Variants in KIFC3 observed in about 807,000 individuals in gnomAD.
KIFC3 encodes kinesin-like protein KIFC3.
KIFC3 carries 60 observed loss-of-function variants against 101.8 expected under a neutral mutation model. That is an observed-to-expected ratio of 0.59 (90% CI 0.48 to 0.73). The LOEUF is 0.73. Among genes scored for constraint, KIFC3 ranks in the 30% least tolerant of loss-of-function variants. The pLI is 0.00. For missense variants in KIFC3, 966 were observed against 1,137.1 expected (o/e 0.85, Z 2.16); for synonymous variants, 476 against 482.7 (o/e 0.99, Z 0.18).
intron 3 of KIFC3, among the ~76,000 whole-genome samples, chr16:57,790,185 T>G (rs1598104031): frequency 6.8e-6 from 1 of 147,212 alleles, no homozygotes; most frequent in East Asian, 2.1e-4. Flanking sequence ...GCTCAAGCAA[T>G]CCCCCTGCCT....
At chr16:57,798,416 C>A in intron 1 of KIFC3, 134 bp from the exon 2 acceptor site, 1 of 784,306 alleles carries the variant, frequency 1.3e-6, no homozygotes, top group Non-Finnish European at 2.1e-6. Context: ...TCCAACTGCA[C>A]TGTCCCCCAA....
At chr16:57,811,641 C>T (rs889677502) in intron 1 of KIFC3, among the ~76,000 whole-genome samples, 5 of 152,034 alleles carry the variant, frequency 3.3e-5, no homozygotes, top group South Asian at 2.1e-4. Context: ...TGGGGCCAAG[C>T]GGAGTGGCTC....
At chr16:57,764,992 G>A (rs1474768455) in intron 11 of KIFC3, among the ~76,000 whole-genome samples, 2 of 151,742 alleles carry the variant, frequency 1.3e-5, no homozygotes, top group African/African-American at 4.8e-5. Flanking sequence ...GGAGTGGGCA[G>A]GGCCATGCAG....
chr16:57,861,677 G>A (rs1267204457), intron 1 of KIFC3, among the ~76,000 whole-genome samples: 2 of 152,156 alleles, frequency 1.3e-5, no homozygotes, highest in Non-Finnish European at 2.9e-5. Context: ...TCTTTCCTAG[G>A]CCAGGCGCGG....
intron 9 of KIFC3, among the ~76,000 whole-genome samples, chr16:57,767,239 ACT>A (rs1273817915): frequency 6.6e-6 from 1 of 152,182 alleles, no homozygotes; most frequent in Non-Finnish European, 1.5e-5. Context: ...TAGAGCCAGG[ACT>A]CAGCCCTCCA....
chr16:57,771,656 G>C lies in KIFC3; in HGVS notation c.412C>G (p.Leu138Val). 6.2e-7 allele frequency: 1 copy of C among 1,612,960 alleles called. No homozygotes were observed. Among genetic ancestry groups the C allele is most frequent in the African/African-American group, 1.3e-5 (1 of 75,064 alleles). Residue 138 changes from leucine to valine, a missense_variant, in exon 5 of 20, where the codon CTG becomes GTG. Leu to Val is a conservative substitution (Grantham distance 32). Transcript: ENST00000445690. ...GGTDLEKHRD[L>V]LMVENERLRQ... ...AGTCGCTCATTCTCCACCATCAGCA[G>C]GTCCCGGTGCTTCTCCAAGTCGGTG...
At chr16:57,801,732 C>T (rs2054738608) in intron 1 of KIFC3, among the ~76,000 whole-genome samples, 1 of 152,240 alleles carries the variant, frequency 6.6e-6, no homozygotes, top group Non-Finnish European at 1.5e-5. Flanking sequence ...TCTTTAATAT[C>T]TCCCAGGACC....
chr16:57,761,423 T>C lies in KIFC3; in HGVS notation c.1862A>G (p.Asp621Gly), dbSNP rs1555597452. The change falls in exon 14 of 20, where the codon GAC (aspartate) becomes GGC (glycine). Residue 621 changes from aspartate (D) to glycine (G), a missense_variant. Asp to Gly is a moderately conservative substitution (Grantham distance 94). Around this residue, in one of 2 missense-constraint regions of KIFC3, gnomAD observed 689 missense variants for 884.6 expected, o/e 0.78. Coordinates refer to ENST00000445690, the MANE Select transcript of KIFC3 (RefSeq NM_001130100.2). ...LTEFQVQSVD[D>G]INKVFEFGHT... ...CTCCCGCCTCCACACCTTGTTGATG[T>C]CGTCCACGCTCTGCACTTGGAACTC... 6.2e-7 allele frequency: 1 copy of C among 1,614,010 alleles called. No individual in the cohort carries two copies. The highest frequency in any genetic ancestry group is 2.2e-5 in the East Asian group (1 of 44,880).
chr16:57,839,849 T>C (rs2055767475), intron 1 of KIFC3, among the ~76,000 whole-genome samples: 1 of 152,208 alleles, frequency 6.6e-6, no homozygotes, highest in Admixed American at 6.5e-5. Flanking sequence ...GAGCAACTCA[T>C]ATTTGTCAAT....
chr16:57,830,231 TCTTTC>T (rs2055547854), intron 1 of KIFC3, among the ~76,000 whole-genome samples: 1 of 144,628 alleles, frequency 6.9e-6, no homozygotes, highest in Non-Finnish European at 1.5e-5. Context: ...CTTTCTTTTT[TCTTTC>T]TTTTTTTTTT....
In KIFC3 at chr16:57,857,395, C is replaced by CTT. The variant is rs11404405; in HGVS notation, c.108+5332_108+5333dup. On this transcript the variant is annotated intron_variant, in intron 1 of 2. Transcript: ENST00000563028. ...TCTCCCAGAACCCCCTAAAACCTTT[C>CTT]TTTTTTTTTTTTTAATTATACTTTA... is the stretch of plus-strand genomic sequence containing the variant. 3.2e-3 allele frequency among the ~76,000 whole-genome samples: 438 copies of CTT among 135,926 alleles called. 1 individual carries two copies. The highest frequency in any genetic ancestry group is 5.3e-3 in the African/African-American group (195 of 37,042). The allele number at this position is 135,926 out of a possible 152,430, so 89.2% of individuals were successfully genotyped here. A position where few individuals can be genotyped will look rare whatever the true frequency, so the allele number is the denominator to read the frequency against.
intron 3 of KIFC3, among the ~76,000 whole-genome samples, chr16:57,786,919 G>A (rs912249708): frequency 6.6e-6 from 1 of 152,206 alleles, no homozygotes; most frequent in Non-Finnish European, 1.5e-5. Context: ...CCCGCTCTAG[G>A]AGAGCAGGAG....
At chr16:57,768,542 A>ACACACACACACACACACACACACACAG (rs1567960407) in intron 9 of KIFC3, among the ~76,000 whole-genome samples, 1 of 23,264 alleles carries the variant, frequency 4.3e-5, no homozygotes, top group Non-Finnish European at 9.0e-5. Flanking sequence ...CACACGCACA[A>ACACACACACACACACACACACACACAG]TTGGCTTAAG....
At chr16:57,801,315 A>C (rs1177793045) in intron 1 of KIFC3, among the ~76,000 whole-genome samples, 3 of 152,186 alleles carry the variant, frequency 2.0e-5, no homozygotes, top group African/African-American at 7.2e-5. Context: ...CAGAAGGTCA[A>C]GGAAGTTGTA....
intron 1 of KIFC3, among the ~76,000 whole-genome samples, chr16:57,818,487 C>G (rs916188665): frequency 2.6e-5 from 4 of 152,208 alleles, no homozygotes; most frequent in African/African-American, 9.6e-5. Flanking sequence ...ACCTCAGCCT[C>G]TCCAATAGCG....
rs1555597647 is a variant in KIFC3, at chr16:57,761,503, C to T, written c.1782G>A (p.Leu594=). 1 of 1,613,786 alleles carries T rather than the reference C, an allele frequency of 6.2e-7. No individual in the cohort carries two copies. Among genetic ancestry groups the T allele is most frequent in the Non-Finnish European group, 8.5e-7 (1 of 1,179,856 alleles). The change falls in exon 14 of 20, where the codon CTG becomes CTA. Residue 594 remains leucine (L), a synonymous_variant. Transcript: ENST00000445690. ...TGCCGTCTGGGCACAGCCGGATCTC[C>T]AGTTTTTCCTGAGGCTCTTTCCCTA... The part of the protein sequence containing the change: ...DLLGKEPQEK[L]EIRLCPDGSG...
upstream of KIFC3, chr16:57,802,553 CT>C: frequency 1.0e-6 from 1 of 989,680 alleles, no homozygotes; most frequent in Non-Finnish European, 1.2e-6. This position sits in a 1 kb window ranked among gnomAD's most constrained non-coding sequence, Gnocchi z 5.0. Context: ...TGGCAACCGG[CT>C]CCGACCCCGG....
rs191116831 is a variant in KIFC3, at chr16:57,815,413, G to A, written c.109-17131C>T. 31 of 1,179,034 alleles carry A rather than the reference G, an allele frequency of 2.6e-5. No homozygotes were observed. In the East Asian group the frequency reaches 1.7e-3, roughly 65 times the overall value. The allele number at this position is 1,179,034 out of a possible 1,614,324, so 73.0% of individuals were successfully genotyped here. ...CCACACCGCACCCCACCACCGCCAC[G>A]TGTTTTCTAGGATCCCCTCCAAGCA... On this transcript the variant is annotated intron_variant, in intron 1 of 2. Transcript: ENST00000563028.
intron 1 of KIFC3, among the ~76,000 whole-genome samples, chr16:57,813,351 A>AAAAT (rs149210186): frequency 0.034 from 5,206 of 151,284 alleles, 297 homozygotes; most frequent in African/African-American, 0.12. Context: ...ATAAAATACA[A>AAAAT]AAATAAATAA....
Sources: gnomAD v4.1 joint callset for allele counts (sites outside exome capture counted in the v4.1 genomes callset) on GRCh38, gnomAD v4.1.1 for gene constraint, gnomAD v4.1.1 regional missense constraint, Gnocchi (gnomAD v3.1) non-coding constraint, MANE v1.5 for transcripts, NCBI Gene and HGNC (gene_info 2026-07-23, HGNC 2026-07-21) for gene names.